Variants in LAMB4 observed in about 807,000 individuals in gnomAD.
The protein encoded by LAMB4 is laminin subunit beta 4.
In LAMB4, 196 loss-of-function variants were observed where a neutral mutation model predicts 199.2. The ratio of observed to expected loss-of-function variants is 0.98; its 90% CI spans 0.88 to 1.11. The LOEUF is 1.11. Among genes scored for constraint, LAMB4 ranks in the 50% least tolerant of loss-of-function variants. The pLI, the probability that LAMB4 is intolerant of heterozygous loss-of-function variation, is 0.00. For missense variants in LAMB4, 2,080 were observed against 2,171.2 expected (o/e 0.96, Z 0.83); for synonymous variants, 744 against 770.6 (o/e 0.97, Z 0.57).
chr7:108,053,433 G>A (rs979247908), intron 25 of LAMB4, among the ~76,000 whole-genome samples: 1 of 152,208 alleles, frequency 6.6e-6, no homozygotes, highest in South Asian at 2.1e-4. Flanking sequence ...CACGTGAGAA[G>A]GCAGGCCCTG....
chr7:108,098,619 A>C (rs190761909), intron 10 of LAMB4, 37 bp from the exon 11 acceptor site: 1 of 1,521,398 alleles, frequency 6.6e-7, no homozygotes, highest in East Asian at 2.3e-5. Flanking sequence ...AGTTAATTGC[A>C]AATTGTGGGA....
chr7:108,093,306 C>T (rs1355907879), intron 12 of LAMB4, among the ~76,000 whole-genome samples: 4 of 152,098 alleles, frequency 2.6e-5, no homozygotes, highest in Non-Finnish European at 4.4e-5. Flanking sequence ...ACCTCGTGAT[C>T]CATCTGCCTC....
intron 29 of LAMB4, among the ~76,000 whole-genome samples, chr7:108,042,937 C>CTGTGTGTGTGTCTG (rs2035471373): frequency 7.1e-6 from 1 of 140,292 alleles, no homozygotes; most frequent in Non-Finnish European, 1.5e-5. Flanking sequence ...CTCTCAATCT[C>CTGTGTGTGTGTCTG]TGTGTGTGTG....
At chr7:108,100,765 T>C (rs980208926) in intron 10 of LAMB4, among the ~76,000 whole-genome samples, 1 of 152,246 alleles carries the variant, frequency 6.6e-6, no homozygotes, top group Non-Finnish European at 1.5e-5. Context: ...TATAAATACA[T>C]AGTTTTAAAA....
intron 1 of LAMB4, among the ~76,000 whole-genome samples, chr7:108,126,709 C>T (rs1389563881): frequency 4.0e-5 from 6 of 149,660 alleles, no homozygotes; most frequent in Non-Finnish European, 7.4e-5. Context: ...GGACTACAGG[C>T]GCCCGCCACC....
At chr7:108,013,103 G>A in the LAMB4 span, among the ~76,000 whole-genome samples, 1 of 152,220 alleles carries the variant, frequency 6.6e-6, no homozygotes, top group African/African-American at 2.4e-5. Flanking sequence ...AGAGCACATT[G>A]TAGCTGTGTG....
intron 2 of LAMB4, among the ~76,000 whole-genome samples, chr7:108,118,077 T>G (rs1286220693): frequency 6.6e-6 from 1 of 152,226 alleles, no homozygotes; most frequent in Admixed American, 6.5e-5. Flanking sequence ...CTATTCAAGA[T>G]GGAGTTGTTC....
At chr7:108,068,227 A>G in intron 18 of LAMB4, 68 bp from the exon 19 acceptor site, 1 of 1,534,042 alleles carries the variant, frequency 6.5e-7, no homozygotes, top group East Asian at 2.3e-5. Context: ...CCTTGTTAGT[A>G]GCTATAGTTC....
chr7:108,052,274 G>C lies in LAMB4; in HGVS notation c.3756-17C>G. The C allele has an allele frequency of 6.5e-7, 1 of 1,541,132 alleles. No homozygotes were observed. ...ATTTGTCTTCTATAGAGGAAATAAG[G>C]GTAAATGTAGTTAAGCTTGTATTAC... On this transcript the variant is annotated splice_polypyrimidine_tract_variant and intron_variant, in intron 25 of 33. Coordinates refer to ENST00000388781, the MANE Select transcript of LAMB4 (RefSeq NM_007356.3).
chr7:108,086,924 A>G (rs1050005463), intron 14 of LAMB4, among the ~76,000 whole-genome samples: 4 of 152,150 alleles, frequency 2.6e-5, no homozygotes, highest in Non-Finnish European at 5.9e-5. Flanking sequence ...AAAATTGAGG[A>G]TCACTGAGGG....
intron 3 of LAMB4, among the ~76,000 whole-genome samples, chr7:108,113,622 A>G (rs1234567983): frequency 2.0e-5 from 3 of 152,234 alleles, no homozygotes; most frequent in African/African-American, 7.2e-5. Context: ...ATAATTTCCA[A>G]TAATACTATG....
Position 108,029,048 on chromosome 7 carries a change from A to C in LAMB4, c.5141T>G (p.Ile1714Arg). 6.2e-7 allele frequency: 1 copy of C among 1,613,024 alleles called. No individual in the cohort carries two copies. The highest frequency in any genetic ancestry group is 8.5e-7 in the Non-Finnish European group (1 of 1,179,640). Residue 1714 changes from isoleucine (I) to arginine (R), a missense_variant, in exon 33 of 34, where the codon ATA (isoleucine) becomes AGA (arginine). By Grantham distance (97) the Ile-to-Arg change is moderately conservative. Transcript: ENST00000388781. ...AGDTEAKIRR[I>R]TDLERKIQDL... ...ATGGATAAAAGAACAGATACCTGTTATTCTTCTTATCTTGGCCTCTGTATC... is the reference window on the plus strand; with the variant it reads ...ATGGATAAAAGAACAGATACCTGTTCTTCTTCTTATCTTGGCCTCTGTATC...
chr7:108,024,085 T>G lies in LAMB4; in HGVS notation c.5240A>C (p.Asn1747Thr), dbSNP rs549195314. 1.9e-6 allele frequency: 3 copies of G among 1,609,234 alleles called. No homozygotes were observed. In the Admixed American group the frequency reaches 5.1e-5, roughly 27 times the overall value. Residue 1747 changes from asparagine to threonine, a missense_variant, in exon 34 of 34, where the codon AAT (asparagine) becomes ACT (threonine). By Grantham distance (65) the Asn-to-Thr change is moderately conservative. Transcript: ENST00000388781. ...TTTTTTTTCTTGTTCAACAATTTCA[T>G]TTTTAATGGCAACAACTTGATCTTC... ...ILEDQVVAIK[N>T]EIVEQEKKYA... is the part of the protein sequence containing the mutation.
chr7:108,102,383 C>A (rs923894961), intron 10 of LAMB4, among the ~76,000 whole-genome samples: 1 of 152,020 alleles, frequency 6.6e-6, no homozygotes, highest in Non-Finnish European at 1.5e-5. Flanking sequence ...GATAAAAACA[C>A]ATGTGAAAGA....
chr7:108,121,339 T>C (rs2038590597), intron 2 of LAMB4, among the ~76,000 whole-genome samples: 1 of 152,244 alleles, frequency 6.6e-6, no homozygotes, highest in African/African-American at 2.4e-5. Context: ...CTGCATGTTG[T>C]CATAATTTTC....
rs2037453827 is a variant in LAMB4 at position 108,092,664 on chromosome 7, G to T, written c.1471-248C>A. ...CTCCTGCCTGTAATCCCAGCATTTTGGGAGGCCGAGACGGGTGGATCACTT... is the reference window on the plus strand; with the variant it reads ...CTCCTGCCTGTAATCCCAGCATTTTTGGAGGCCGAGACGGGTGGATCACTT... On this transcript the variant is annotated intron_variant, in intron 12 of 33. Coordinates refer to ENST00000388781, the MANE Select transcript of LAMB4 (RefSeq NM_007356.3). Among the ~76,000 whole-genome samples the T allele has an allele frequency of 1.3e-5, 2 of 152,160 alleles. 1 individual carries two copies.
In LAMB4 at chr7:108,121,264, A is replaced by G. The variant is rs563795616; in HGVS notation, c.34+1867T>C. Among the ~76,000 whole-genome samples the G allele has an allele frequency of 3.3e-5, 5 of 152,346 alleles. No individual in the cohort carries two copies. In the East Asian group the frequency reaches 9.6e-4, roughly 29 times the overall value. On this transcript the variant is annotated intron_variant, in intron 2 of 33. Coordinates refer to ENST00000388781, the MANE Select transcript of LAMB4 (RefSeq NM_007356.3). ...ATCTGGTCATTTAAGGAAAATATAC[A>G]GTAAATTTTCTGTAAAGAATTGTTT...
intron 1 of LAMB4, among the ~76,000 whole-genome samples, chr7:108,124,088 C>A (rs1481629913): frequency 6.6e-6 from 1 of 152,010 alleles, no homozygotes; most frequent in African/African-American, 2.4e-5. Flanking sequence ...AATGGTGGAC[C>A]AGTGCAGCCT....
chr7:108,013,171 T>C, the LAMB4 span, among the ~76,000 whole-genome samples: 3 of 152,210 alleles, frequency 2.0e-5, no homozygotes, highest in African/African-American at 7.2e-5. Context: ...ATGTGCCAAA[T>C]TGCAAGTGCC....
Sources: allele counts gnomAD v4.1 joint callset (sites outside exome capture counted in the v4.1 genomes callset), GRCh38; gene constraint gnomAD v4.1.1; transcripts MANE v1.5; gene names NCBI Gene and HGNC (gene_info 2026-07-23, HGNC 2026-07-21).